ACYP2: variants seen among roughly 807,000 people sequenced by gnomAD.
ACYP2 encodes acylphosphatase 2, also known as acylphosphatase-2.
ACYP2 carries 12 observed loss-of-function variants against 11.2 expected under a neutral mutation model. The ratio of observed to expected loss-of-function variants is 1.08; its 90% CI spans 0.69 to 1.74. The LOEUF is 1.74. Among genes scored for constraint, ACYP2 ranks in the 40% most tolerant of loss-of-function variants. ACYP2 has a pLI of 0.00. For synonymous variants in ACYP2, 43 were observed against 32.2 expected (o/e 1.33, Z -1.13); for missense variants, 134 against 101.9 (o/e 1.31, Z -1.35).
chr2:54,122,562 C>T (rs576121025), intron 4 of ACYP2, among the ~76,000 whole-genome samples: 130 of 152,154 alleles, frequency 8.5e-4, no homozygotes, highest in Non-Finnish European at 1.7e-3. Context: ...CTACAGAAGC[C>T]CTGTCCCAAG....
At chr2:54,194,493 C>T (rs1176562834) in intron 6 of ACYP2, among the ~76,000 whole-genome samples, 6 of 152,038 alleles carry the variant, frequency 3.9e-5, no homozygotes, top group South Asian at 4.2e-4. Context: ...CCAGGAGGCA[C>T]GTTATTAAAA....
At position 54,079,736 on chromosome 2, in the gene ACYP2, A is replaced by C. The variant is rs1369684409; in HGVS notation, c.277+22376A>C. 2.6e-5 allele frequency among the ~76,000 whole-genome samples: 4 copies of C among 152,246 alleles called. No individual in the cohort carries two copies. In the East Asian group the frequency reaches 7.7e-4, roughly 29 times the overall value. On this transcript the variant is annotated intron_variant, in intron 4 of 6. Coordinates refer to ENST00000607452, the MANE Select transcript of ACYP2 (RefSeq NM_001320586.2). ...GTTCGGAATAGCTTGATGCTTACACAATTTTGAGAGTTCTCTTTAAGAAAA... is the reference window on the plus strand; with the variant it reads ...GTTCGGAATAGCTTGATGCTTACACCATTTTGAGAGTTCTCTTTAAGAAAA...
chr2:53,995,562 G>C (rs563165581), intron 2 of ACYP2, among the ~76,000 whole-genome samples: 1 of 150,210 alleles, frequency 6.7e-6, no homozygotes, highest in South Asian at 2.1e-4. Flanking sequence ...GGAATGTAGT[G>C]GCATGATCTC....
chr2:54,229,973 G>T (rs747982107), intron 6 of ACYP2, among the ~76,000 whole-genome samples: 1 of 152,162 alleles, frequency 6.6e-6, no homozygotes, highest in South Asian at 2.1e-4. Context: ...GGTCTAGGGA[G>T]TCATGTCCTA....
intron 6 of ACYP2, among the ~76,000 whole-genome samples, chr2:54,183,701 A>C (rs1463730064): frequency 1.3e-5 from 2 of 152,234 alleles, no homozygotes; most frequent in Non-Finnish European, 2.9e-5. Context: ...TTTTTCAAAA[A>C]TGTCATTTAT....
intron 6 of ACYP2, among the ~76,000 whole-genome samples, chr2:54,259,580 G>A (rs914699017): frequency 2.0e-5 from 3 of 151,224 alleles, no homozygotes; most frequent in African/African-American, 7.3e-5. Context: ...GTTAGTATGA[G>A]GTCTGAGAAT....
chr2:54,108,270 C>T (rs1302607761), intron 4 of ACYP2, among the ~76,000 whole-genome samples: 2 of 152,184 alleles, frequency 1.3e-5, no homozygotes, highest in Non-Finnish European at 2.9e-5. Flanking sequence ...GGGTTTGTAG[C>T]TTTAAACTTC....
At chr2:54,144,329 G>A (rs188360075) in intron 6 of ACYP2, among the ~76,000 whole-genome samples, 153 of 152,040 alleles carry the variant, frequency 1.0e-3, no homozygotes, top group African/African-American at 3.4e-3. Context: ...TATTTTGCTA[G>A]GAAATTATCC....
chr2:54,014,961 A>G (rs539340053), intron 2 of ACYP2, among the ~76,000 whole-genome samples: 1 of 152,016 alleles, frequency 6.6e-6, no homozygotes, highest in Non-Finnish European at 1.5e-5. Flanking sequence ...TTCTACTTCA[A>G]TATTATATTG....
chr2:54,153,477 A>G (rs1354532539), intron 6 of ACYP2, among the ~76,000 whole-genome samples: 2 of 90,276 alleles, frequency 2.2e-5, no homozygotes, highest in Non-Finnish European at 5.0e-5. Flanking sequence ...TTTTTTTTTC[A>G]TGTGTGTGTG....
chr2:54,003,613 C>G (rs1239323295), intron 2 of ACYP2, among the ~76,000 whole-genome samples: 1 of 152,186 alleles, frequency 6.6e-6, no homozygotes, highest in African/African-American at 2.4e-5. Context: ...GGATGTACCA[C>G]AGTTTATATA....
intron 6 of ACYP2, among the ~76,000 whole-genome samples, chr2:54,215,161 G>T (rs1047483272): frequency 6.6e-6 from 1 of 152,104 alleles, no homozygotes; most frequent in Non-Finnish European, 1.5e-5. Context: ...AGACTTTGGG[G>T]TTTTCTACGT....
chr2:54,039,299 T>C (rs548852763), intron 2 of ACYP2, among the ~76,000 whole-genome samples: 83 of 151,810 alleles, frequency 5.5e-4, no homozygotes, highest in Middle Eastern at 3.4e-3. Context: ...TTTTCCTTTT[T>C]TTTGGCGGGG....
chr2:54,212,991 A>G (rs190844221), intron 6 of ACYP2, among the ~76,000 whole-genome samples: 2 of 150,990 alleles, frequency 1.3e-5, no homozygotes, highest in East Asian at 3.9e-4. Context: ...GATTTGTTAC[A>G]TGGGTAAATT....
At chr2:54,294,349 T>C (rs1689434635) in intron 6 of ACYP2, among the ~76,000 whole-genome samples, 1 of 152,180 alleles carries the variant, frequency 6.6e-6, no homozygotes. Context: ...TCTTCATACA[T>C]TCCACTCCCC....
intron 6 of ACYP2, among the ~76,000 whole-genome samples, chr2:54,220,514 C>T (rs908337115): frequency 6.6e-6 from 1 of 152,094 alleles, no homozygotes; most frequent in Non-Finnish European, 1.5e-5. Flanking sequence ...TTCCCAGATA[C>T]AATTATGAAT....
At chr2:54,201,256 C>G (rs1272313834) in intron 6 of ACYP2, among the ~76,000 whole-genome samples, 3 of 152,124 alleles carry the variant, frequency 2.0e-5, no homozygotes, top group African/African-American at 7.2e-5. Flanking sequence ...TAGGCGCCCG[C>G]CACCACGCCC....
At chr2:54,232,769 G>A (rs1572968837) in intron 6 of ACYP2, among the ~76,000 whole-genome samples, 1 of 152,138 alleles carries the variant, frequency 6.6e-6, no homozygotes, top group Non-Finnish European at 1.5e-5. Flanking sequence ...AGCAAAGGGG[G>A]AAGTGCCACA....
At position 54,054,537 on chromosome 2, in the gene ACYP2, C is replaced by G. The variant is rs78264307; in HGVS notation, c.156-2702C>G. Among the ~76,000 whole-genome samples the G allele has an allele frequency of 8.6e-3, 1,305 of 152,316 alleles. 27 individuals carry two copies. Among genetic ancestry groups the G allele is most frequent in the African/African-American group, 0.03 (1,263 of 41,574 alleles). ...GGGTCATTTTTGTCTCTCGATTTTA[C>G]TTAGCTGTGGTTTGAAGTCTTCTTA... On this transcript the variant is annotated intron_variant, in intron 3 of 6. Coordinates refer to ENST00000607452, the MANE Select transcript of ACYP2 (RefSeq NM_001320586.2).
Sources: allele counts gnomAD v4.1 joint callset (sites outside exome capture counted in the v4.1 genomes callset), GRCh38; gene constraint gnomAD v4.1.1; transcripts MANE v1.5; gene names NCBI Gene and HGNC (gene_info 2026-07-23, HGNC 2026-07-21).